The following QSER1 variants were observed in gnomAD, a reference collection of about 807,000 sequenced individuals.
QSER1 encodes glutamine and serine-rich protein 1.
In QSER1, 49 loss-of-function variants were observed where a neutral mutation model predicts 158.5. The ratio of observed to expected loss-of-function variants is 0.31; its 90% CI spans 0.25 to 0.39. The LOEUF (loss-of-function observed/expected upper bound fraction) is 0.39, where lower values mean the gene tolerates loss of function less well. Ranked by LOEUF, QSER1 falls within the 10% of genes least tolerant of loss-of-function variation. QSER1 has a pLI of 1.00. For synonymous variants in QSER1, 650 were observed against 715.5 expected (o/e 0.91, Z 1.46); for missense variants, 1,754 against 2,010.3 (o/e 0.87, Z 2.44).
intron 1 of QSER1, among the ~76,000 whole-genome samples, chr11:32,916,766 T>C (rs117164256): frequency 0.02 from 2,753 of 141,038 alleles, 44 homozygotes; most frequent in South Asian, 0.041. Flanking sequence ...AACATTGTTA[T>C]GTTGGGCATG....
chr11:32,925,538 A>ATTTATTTATTTT (rs1213901860), intron 1 of QSER1, among the ~76,000 whole-genome samples: 27 of 140,882 alleles, frequency 1.9e-4, no homozygotes, highest in South Asian at 4.4e-4. Context: ...TTATTTATTT[A>ATTTATTTATTTT]TTTTTTGCAG....
At chr11:32,915,929 T>C (rs909130019) in intron 1 of QSER1, among the ~76,000 whole-genome samples, 1 of 152,086 alleles carries the variant, frequency 6.6e-6, no homozygotes, top group African/African-American at 2.4e-5. Context: ...TTGTTTTTTT[T>C]TTTTTGAGAT....
chr11:32,928,485 G>A lies in QSER1; in HGVS notation c.484+362G>A, dbSNP rs548676246. Among the ~76,000 whole-genome samples the A allele has an allele frequency of 6.6e-5, 10 of 152,014 alleles. No homozygotes were observed. The South Asian group carries it at 8.3e-4, about 13-fold the overall frequency. On this transcript the variant is annotated intron_variant, in intron 3 of 12. Coordinates refer to ENST00000650167, the MANE Select transcript of QSER1 (RefSeq NM_001076786.3). ...AGGTGTTATAGTAAAAAAAATCTTG[G>A]GACTCATTTCATTGTTAGTTTTATA...
At chr11:32,942,930 C>T (rs1852265389) in intron 4 of QSER1, among the ~76,000 whole-genome samples, 1 of 152,104 alleles carries the variant, frequency 6.6e-6, no homozygotes. Context: ...TTGTAGTTCT[C>T]CTTGAAGAGG....
At position 32,934,460 on chromosome 11, in the gene QSER1, A is replaced by G. The variant is rs200145130; in HGVS notation, c.3202A>G (p.Lys1068Glu). ...NLSPVPALQSKMTLDQQHIET... is the reference protein window; with the variant it reads ...NLSPVPALQSEMTLDQQHIET... ...TTCACCAGTACCTGCCCTTCAGTCA[A>G]AAATGACTCTTGATCAACAGCACAT... Residue 1068 changes from lysine (K) to glutamate (E), a missense_variant, in exon 4 of 13, where the codon AAA becomes GAA. Lys to Glu is a moderately conservative substitution (Grantham distance 56, BLOSUM62 1). Transcript: ENST00000650167. 279 of 1,613,678 alleles carry G rather than the reference A, an allele frequency of 1.7e-4. 1 individual carries two copies. Among genetic ancestry groups the G allele is most frequent in the Non-Finnish European group, 1.8e-4 (214 of 1,180,008 alleles).
At chr11:32,903,787 T>G (rs912892153) in intron 1 of QSER1, among the ~76,000 whole-genome samples, 1 of 152,036 alleles carries the variant, frequency 6.6e-6, no homozygotes, top group African/African-American at 2.4e-5. Flanking sequence ...AATTTTTGTA[T>G]TTTTAGTAGA....
chr11:32,953,392 A>G (rs1852456480), intron 4 of QSER1, among the ~76,000 whole-genome samples: 1 of 151,464 alleles, frequency 6.6e-6, no homozygotes, highest in Non-Finnish European at 1.5e-5. Flanking sequence ...TTGTTCTGTC[A>G]CCCAGGCTGG....
chr11:32,904,161 G>A (rs1196719277), intron 1 of QSER1, among the ~76,000 whole-genome samples: 1 of 151,418 alleles, frequency 6.6e-6, no homozygotes, highest in Non-Finnish European at 1.5e-5. Context: ...CCTTTCTGCA[G>A]TCAAGGCAAT....
chr11:32,949,641 A>G (rs1350321057), intron 4 of QSER1, among the ~76,000 whole-genome samples: 2 of 152,140 alleles, frequency 1.3e-5, no homozygotes. Context: ...TTCCATTTAC[A>G]TACATATTTT....
At chr11:32,938,725 T>C (rs1437384979) in intron 4 of QSER1, among the ~76,000 whole-genome samples, 1 of 152,348 alleles carries the variant, frequency 6.6e-6, no homozygotes, top group Non-Finnish European at 1.5e-5. Flanking sequence ...CTAAAGGGCA[T>C]ATTCCTTGCT....
chr11:32,960,207 A>G (rs1344573703), intron 8 of QSER1, among the ~76,000 whole-genome samples: 2 of 152,294 alleles, frequency 1.3e-5, no homozygotes, highest in Non-Finnish European at 2.9e-5. Context: ...GCGAGACCCC[A>G]TAGCTTAAAA....
In QSER1 at chr11:32,933,686, C is replaced by G. The variant is rs771404810; in HGVS notation, c.2428C>G (p.Pro810Ala). The change falls in exon 4 of 13, where the codon CCT becomes GCT. Residue 810 changes from proline to alanine, a missense_variant. Pro to Ala is a conservative substitution (Grantham distance 27). Coordinates refer to ENST00000650167, the MANE Select transcript of QSER1 (RefSeq NM_001076786.3). ...LNTKDLKQQH[P>A]LILKVHESKV... The stretch of plus-strand genomic sequence containing the variant: ...TACTAAAGACTTAAAGCAGCAACAT[C>G]CTCTCATACTTAAGGTGCATGAGTC... 3 of 1,613,636 alleles carry G rather than the reference C, an allele frequency of 1.9e-6. No homozygotes were observed. Among genetic ancestry groups the G allele is most frequent in the Non-Finnish European group, 2.5e-6 (3 of 1,179,838 alleles).
intron 1 of QSER1, among the ~76,000 whole-genome samples, chr11:32,920,783 G>A (rs1010125791): frequency 6.6e-6 from 1 of 152,140 alleles, no homozygotes; most frequent in African/African-American, 2.4e-5. Flanking sequence ...GTCATAATGA[G>A]GTAAATGCAA....
At chr11:32,968,462 G>A (rs1192397592) in intron 9 of QSER1, among the ~76,000 whole-genome samples, 3 of 152,100 alleles carry the variant, frequency 2.0e-5, no homozygotes, top group Non-Finnish European at 2.9e-5. Context: ...AAAGCCAAAA[G>A]CTTTGAATAG....
At chr11:32,912,631 A>G (rs903224879) in intron 1 of QSER1, among the ~76,000 whole-genome samples, 1 of 152,110 alleles carries the variant, frequency 6.6e-6, no homozygotes, top group African/African-American at 2.4e-5. Context: ...TCTTTAGGCC[A>G]GGCAAAGTGG....
At chr11:32,941,356 T>A (rs1852229460) in intron 4 of QSER1, among the ~76,000 whole-genome samples, 1 of 149,450 alleles carries the variant, frequency 6.7e-6, no homozygotes, top group African/African-American at 2.5e-5. Flanking sequence ...TAGCATTAGG[T>A]ATATCTCCCA....
chr11:32,932,607 C>T lies in QSER1; in HGVS notation c.1349C>T (p.Ser450Leu), dbSNP rs757717317. Residue 450 changes from serine to leucine, a missense_variant, in exon 4 of 13, where the codon TCG (serine) becomes TTG (leucine). Transcript: ENST00000650167. ...TTACATAATCAGAGTTCTGTAATATCGGGCCAAGCACAAATTTATTCTACA... is the reference window on the plus strand; with the variant it reads ...TTACATAATCAGAGTTCTGTAATATTGGGCCAAGCACAAATTTATTCTACA... ...KPLHNQSSVI[S>L]GQAQIYSTAQ... 8 of 1,613,906 alleles carry T rather than the reference C, an allele frequency of 5.0e-6. No individual in the cohort carries two copies. Among genetic ancestry groups the T allele is most frequent in the East Asian group, 2.2e-5 (1 of 44,900 alleles).
intron 4 of QSER1, among the ~76,000 whole-genome samples, chr11:32,936,615 A>G (rs950208791): frequency 1.3e-5 from 2 of 152,216 alleles, no homozygotes; most frequent in East Asian, 1.9e-4. Context: ...GTTATCTCCA[A>G]TATACAGATG....
At chr11:32,920,093 G>A (rs1216716468) in intron 1 of QSER1, among the ~76,000 whole-genome samples, 2 of 152,128 alleles carry the variant, frequency 1.3e-5, no homozygotes, top group African/African-American at 4.8e-5. Flanking sequence ...TTTTCTTGGA[G>A]AATGGTACGA....
Sources: allele counts gnomAD v4.1 joint callset (sites outside exome capture counted in the v4.1 genomes callset), GRCh38; gene constraint gnomAD v4.1.1; transcripts MANE v1.5; gene names NCBI Gene and HGNC (gene_info 2026-07-23, HGNC 2026-07-21).